Variants in DNAH14 observed in about 807,000 individuals in gnomAD.
DNAH14 encodes the protein axonemal beta dynein heavy chain 14.
Under a neutral mutation model 520.9 loss-of-function variants are expected in DNAH14, and 478 were observed. The ratio of observed to expected loss-of-function variants is 0.92; its 90% confidence interval spans 0.85 to 0.99. DNAH14 has a LOEUF of 0.99. Ranked by LOEUF, DNAH14 falls within the 50% of genes least tolerant of loss-of-function variation. The pLI is 0.00. For synonymous variants in DNAH14, 1,581 were observed against 1,757.2 expected (o/e 0.90, Z 2.51); for missense variants, 4,831 against 5,234.5 (o/e 0.92, Z 2.38).
At chr1:224,968,462 ACT>A (rs2061324820) in intron 6 of DNAH14, among the ~76,000 whole-genome samples, 1 of 152,128 alleles carries the variant, frequency 6.6e-6, no homozygotes, top group Non-Finnish European at 1.5e-5. Flanking sequence ...AAATTATGAG[ACT>A]CAAATCTGAA....
intron 34 of DNAH14, among the ~76,000 whole-genome samples, chr1:225,158,392 A>G (rs921382080): frequency 7.2e-5 from 11 of 152,146 alleles, no homozygotes; most frequent in African/African-American, 2.4e-4. Context: ...TTTGTCTGAG[A>G]TATTCTCAGT....
intron 22 of DNAH14, 136 bp from the exon 23 acceptor site, chr1:225,100,577 T>A: frequency 1.4e-6 from 1 of 723,622 alleles, no homozygotes; most frequent in Non-Finnish European, 2.1e-6. Context: ...AAAAAGTATC[T>A]TTGATGATTT....
chr1:225,368,080 A>G (rs1473931962), intron 77 of DNAH14, 48 bp downstream of exon 77: 1 of 1,429,612 alleles, frequency 7.0e-7, no homozygotes, highest in Non-Finnish European at 9.4e-7. Flanking sequence ...ACAATAAGAT[A>G]CAAATTGAGA....
chr1:225,114,241 C>A (rs754169684), intron 23 of DNAH14, among the ~76,000 whole-genome samples: 1 of 152,150 alleles, frequency 6.6e-6, no homozygotes, highest in African/African-American at 2.4e-5. Flanking sequence ...TTCAAGGCAG[C>A]AGGTTCCCTT....
intron 11 of DNAH14, among the ~76,000 whole-genome samples, chr1:225,034,529 G>GTGTGTGTA (rs2066795941): frequency 6.8e-6 from 1 of 148,026 alleles, no homozygotes; most frequent in African/African-American, 2.4e-5. Flanking sequence ...GTGTGTGTGT[G>GTGTGTGTA]TGTGTGTGTG....
At chr1:224,973,495 A>C (rs2061626293) in intron 7 of DNAH14, among the ~76,000 whole-genome samples, 2 of 152,200 alleles carry the variant, frequency 1.3e-5, no homozygotes, top group Admixed American at 1.3e-4. Flanking sequence ...ATTCATTTAG[A>C]GTTGAGAGAG....
At chr1:224,990,403 G>A (rs2062956228) in intron 8 of DNAH14, among the ~76,000 whole-genome samples, 1 of 152,084 alleles carries the variant, frequency 6.6e-6, no homozygotes, top group South Asian at 2.1e-4. Flanking sequence ...TGCTATAGAT[G>A]TCAAAACAAC....
chr1:224,950,055 C>T (rs937434258), intron 1 of DNAH14, among the ~76,000 whole-genome samples: 1 of 152,054 alleles, frequency 6.6e-6, no homozygotes, highest in Non-Finnish European at 1.5e-5. Context: ...ATGCTACCTA[C>T]ATTCCATCTA....
chr1:225,202,231 C>G (rs1386266626), intron 38 of DNAH14, among the ~76,000 whole-genome samples: 1 of 152,118 alleles, frequency 6.6e-6, no homozygotes, highest in East Asian at 1.9e-4. Flanking sequence ...GAGGAACAGG[C>G]AGTGGGCAGG....
rs547363278 is a variant in DNAH14, at chr1:225,051,729, C to T, written c.2358C>T (p.Asn786=). The T allele has an allele frequency of 2.6e-5, 41 of 1,549,738 alleles. No individual in the cohort carries two copies. In the African/African-American group the frequency reaches 2.7e-4, roughly 10 times the overall value. Reference sequence around the variant, plus strand: ...CAGAATGCTTACTGTATATTGACAACGTCATACATATGAGCCACACCCTCA... The same window carrying T: ...CAGAATGCTTACTGTATATTGACAATGTCATACATATGAGCCACACCCTCA... The part of the protein sequence containing the change: ...YQSECLLYID[N]VIHMSHTLIQ... Residue 786 remains asparagine (N), a synonymous_variant, in exon 17 of 86, where the codon AAC becomes AAT. Coordinates refer to ENST00000682510, the MANE Select transcript of DNAH14 (RefSeq NM_001367479.1).
chr1:225,326,383 C>G (rs1392636878), intron 64 of DNAH14, among the ~76,000 whole-genome samples: 4 of 152,092 alleles, frequency 2.6e-5, no homozygotes, highest in Non-Finnish European at 5.9e-5. Context: ...GCATAGGCAC[C>G]AAACTGATCA....
chr1:224,931,255 GT>G (rs1181326829), intron 1 of DNAH14, among the ~76,000 whole-genome samples: 1 of 152,168 alleles, frequency 6.6e-6, no homozygotes, highest in Non-Finnish European at 1.5e-5. Flanking sequence ...TGTACAATGT[GT>G]GTTTTAAGCT....
chr1:225,371,518 G>C (rs937216120), intron 77 of DNAH14, among the ~76,000 whole-genome samples: 3 of 152,088 alleles, frequency 2.0e-5, no homozygotes, highest in Non-Finnish European at 2.9e-5. Context: ...TCAAGAATTA[G>C]ATAAGGATGC....
intron 27 of DNAH14, among the ~76,000 whole-genome samples, chr1:225,127,483 G>C: frequency 6.6e-6 from 1 of 152,028 alleles, no homozygotes; most frequent in African/African-American, 2.4e-5. Flanking sequence ...TGTCTCCTTT[G>C]ATCTTTGTTG....
At chr1:225,325,861 G>A (rs980341937) in intron 64 of DNAH14, among the ~76,000 whole-genome samples, 2 of 152,008 alleles carry the variant, frequency 1.3e-5, no homozygotes, top group East Asian at 1.9e-4. Flanking sequence ...CTGGGCTAGC[G>A]TTCCCACTTG....
rs1169821894 is a variant in DNAH14, at chr1:225,060,137, A to G, written c.2424+8342A>G. Among the ~76,000 whole-genome samples, 6 of 152,250 alleles carry G rather than the reference A, an allele frequency of 3.9e-5. No homozygotes were observed. The South Asian group carries it at 1.0e-3, about 26-fold the overall frequency. ...GCAGAGTGTTTTCCGACTTGGTTCC[A>G]TTCTCCCTGTTACCAATCAGATGTA... On this transcript the variant is annotated intron_variant, in intron 17 of 85. Coordinates refer to ENST00000682510, the MANE Select transcript of DNAH14 (RefSeq NM_001367479.1).
intron 21 of DNAH14, among the ~76,000 whole-genome samples, chr1:225,094,837 A>T (rs1179860030): frequency 6.8e-6 from 1 of 146,190 alleles, no homozygotes; most frequent in East Asian, 2.0e-4. Flanking sequence ...AAAAAAAAAC[A>T]ACCCCATTAA....
intron 73 of DNAH14, chr1:225,354,092 G>A (rs1019907091): frequency 1.4e-6 from 1 of 701,144 alleles, no homozygotes; most frequent in Admixed American, 2.0e-5. Flanking sequence ...CATTCCTGGA[G>A]TCCCTCTGTC....
At chr1:225,257,145 T>C (rs1241609390) in intron 44 of DNAH14, among the ~76,000 whole-genome samples, 1 of 152,202 alleles carries the variant, frequency 6.6e-6, no homozygotes, top group Non-Finnish European at 1.5e-5. Flanking sequence ...AAAAGTTAGG[T>C]GAATACATCC....
Sources: gnomAD v4.1 joint callset for allele counts (sites outside exome capture counted in the v4.1 genomes callset) on GRCh38, gnomAD v4.1.1 for gene constraint, MANE v1.5 for transcripts, NCBI Gene and HGNC (gene_info 2026-07-23, HGNC 2026-07-21) for gene names.